Variants in TNKS observed in about 807,000 individuals in gnomAD.
TNKS encodes the protein poly [ADP-ribose] polymerase tankyrase-1.
In TNKS, 72 loss-of-function variants were observed where a neutral mutation model predicts 135.8. That is an observed-to-expected ratio of 0.53 (90% CI 0.44 to 0.64). The LOEUF (loss-of-function observed/expected upper bound fraction) is 0.64, where lower values mean the gene tolerates loss of function less well. Ranked by LOEUF, TNKS falls within the 30% of genes least tolerant of loss-of-function variation. The probability of loss-of-function intolerance (pLI) is 0.00; values close to 1 mark genes in which losing one functional copy is unlikely to be tolerated. For missense variants in TNKS, 1,769 were observed against 1,674.0 expected, an observed-to-expected ratio of 1.06 and a Z score of -0.99; for synonymous variants, 849 against 649.3, an observed-to-expected ratio of 1.31 and a Z score of -4.68.
intron 3 of TNKS, among the ~76,000 whole-genome samples, chr8:9,653,105 G>T (rs1452732762): frequency 6.6e-6 from 1 of 152,122 alleles, no homozygotes; most frequent in East Asian, 1.9e-4. Flanking sequence ...ATAAAGTTAG[G>T]GGAAGGGAAG....
intron 3 of TNKS, among the ~76,000 whole-genome samples, chr8:9,653,872 C>A (rs1336214360): frequency 6.6e-6 from 1 of 152,100 alleles, no homozygotes; most frequent in Non-Finnish European, 1.5e-5. Context: ...TTTCTCCTTC[C>A]CTTCTGTGCT....
chr8:9,717,101 A>ATATATATATT lies in TNKS; in HGVS notation c.1750-3272_1750-3271insATATATATTT, dbSNP rs1454492300. On this transcript the variant is annotated intron_variant, in intron 11 of 26. Coordinates refer to ENST00000310430, the MANE Select transcript of TNKS (RefSeq NM_003747.3). The stretch of plus-strand genomic sequence containing the variant: ...TATATATATATATATATATATATAT[A>ATATATATATT]TTTTCAGGGAATTTGATTGTTTCTT... Among the ~76,000 whole-genome samples the ATATATATATT allele has an allele frequency of 4.4e-4, 53 of 119,306 alleles. 2 individuals carry two copies. The highest frequency in any genetic ancestry group is 1.6e-3 in the Admixed American group (19 of 11,646). 78.3% of individuals were successfully genotyped at this position (119,306 alleles called of 152,430 possible).
At chr8:9,706,275 G>T in intron 7 of TNKS, 22 bp downstream of exon 7, 2 of 1,489,676 alleles carry the variant, frequency 1.3e-6, no homozygotes, top group East Asian at 2.5e-5. Flanking sequence ...TCAGAATATT[G>T]AGCATCATTT....
intron 3 of TNKS, among the ~76,000 whole-genome samples, chr8:9,643,762 G>C (rs907829592): frequency 1.4e-4 from 21 of 152,154 alleles, no homozygotes; most frequent in African/African-American, 5.1e-4. Flanking sequence ...CGGCAATTCT[G>C]CTTCTGGGTA....
At chr8:9,581,724 T>C (rs1420586775) in intron 2 of TNKS, among the ~76,000 whole-genome samples, 1 of 152,246 alleles carries the variant, frequency 6.6e-6, no homozygotes, top group Non-Finnish European at 1.5e-5. Flanking sequence ...TAAAATATTA[T>C]CCTTTCCAGG....
intron 2 of TNKS, among the ~76,000 whole-genome samples, chr8:9,589,035 A>G (rs1159451797): frequency 6.6e-6 from 1 of 152,296 alleles, no homozygotes; most frequent in South Asian, 2.1e-4. Flanking sequence ...CTCGATTGGT[A>G]TGGGAATTTG....
chr8:9,729,372 G>A (rs943939483), intron 13 of TNKS, among the ~76,000 whole-genome samples: 1 of 152,162 alleles, frequency 6.6e-6, no homozygotes, highest in Non-Finnish European at 1.5e-5. Context: ...GCTTATTACT[G>A]TGACGGAAGT....
At chr8:9,701,231 C>T (rs1330985070) in intron 5 of TNKS, among the ~76,000 whole-genome samples, 1 of 152,170 alleles carries the variant, frequency 6.6e-6, no homozygotes, top group Non-Finnish European at 1.5e-5. Context: ...GCCACCATGC[C>T]CGACCTGCCC....
rs757948047 is a variant in TNKS at position 9,556,514 on chromosome 8, A to G, written c.575A>G (p.Asn192Ser). The G allele has an allele frequency of 1.3e-5, 21 of 1,614,034 alleles. No homozygotes were observed. Among genetic ancestry groups the G allele is most frequent in the Admixed American group, 1.7e-5 (1 of 60,004 alleles). Residue 192 changes from asparagine (N) to serine (S), a missense_variant, in exon 1 of 27, where the codon AAT becomes AGT. Around this residue, in one of 5 missense-constraint regions of TNKS, gnomAD observed 450 missense variants for 304.9 expected, o/e 1.48. Transcript: ENST00000310430. ...CGGGAACTGCTGGAGGCCTGTCGCA[A>G]TGGGGACGTGTCCCGGGTAAAGAGG... ...ALRELLEACR[N>S]GDVSRVKRLV... is the part of the protein sequence containing the mutation.
chr8:9,668,968 A>G (rs1326702357), intron 3 of TNKS, among the ~76,000 whole-genome samples: 2 of 152,170 alleles, frequency 1.3e-5, no homozygotes, highest in Non-Finnish European at 2.9e-5. Context: ...TATTATTATT[A>G]TTATTGAATA....
chr8:9,680,299 C>A (rs1298723473), intron 4 of TNKS, among the ~76,000 whole-genome samples: 1 of 152,060 alleles, frequency 6.6e-6, no homozygotes, highest in African/African-American at 2.4e-5. Flanking sequence ...GAAGATTTTT[C>A]TAGCAAAGCT....
At chr8:9,755,964 T>G (rs989082500) in intron 20 of TNKS, among the ~76,000 whole-genome samples, 2 of 152,216 alleles carry the variant, frequency 1.3e-5, no homozygotes, top group African/African-American at 4.8e-5. Context: ...ATAGTATCCT[T>G]TCTAGTTAAT....
rs527701926 is a variant in TNKS, at chr8:9,770,632, C to G, written c.3897+370C>G. On this transcript the variant is annotated intron_variant, in intron 26 of 26. Coordinates refer to ENST00000310430, the MANE Select transcript of TNKS (RefSeq NM_003747.3). The stretch of plus-strand genomic sequence containing the variant: ...TGGATGTACATGCCACAGGATTTGT[C>G]CAAAAACAAAAACAATTTGTCTGAA... 1.0e-3 allele frequency among the ~76,000 whole-genome samples: 156 copies of G among 151,820 alleles called. 1 individual carries two copies. The highest frequency in any genetic ancestry group is 3.6e-3 in the African/African-American group (150 of 41,356).
At chr8:9,660,559 T>A (rs1355225868) in intron 3 of TNKS, among the ~76,000 whole-genome samples, 2 of 152,086 alleles carry the variant, frequency 1.3e-5, no homozygotes, top group Non-Finnish European at 2.9e-5. Flanking sequence ...AAAACTCTCA[T>A]TAAATTAGGT....
At chr8:9,694,671 A>G (rs1350498784) in intron 5 of TNKS, among the ~76,000 whole-genome samples, 1 of 151,674 alleles carries the variant, frequency 6.6e-6, no homozygotes, top group Middle Eastern at 3.2e-3. Flanking sequence ...CTGAGGCAGG[A>G]GAATTGCTTG....
intron 18 of TNKS, among the ~76,000 whole-genome samples, 169 bp from the exon 19 acceptor site, chr8:9,751,440 A>T (rs556673835): frequency 4.8e-4 from 73 of 152,356 alleles, no homozygotes; most frequent in Middle Eastern, 3.4e-3. Flanking sequence ...TACTGAAACT[A>T]TTGAAACTCT....
chr8:9,767,935 G>A (rs1018359625), intron 25 of TNKS, among the ~76,000 whole-genome samples: 5 of 149,632 alleles, frequency 3.3e-5, no homozygotes, highest in African/African-American at 1.2e-4. Context: ...CTCCAGCCTG[G>A]GCGACAGAGA....
At chr8:9,558,607 A>G (rs994194154) in intron 1 of TNKS, 3 of 152,168 alleles carry the variant, frequency 2.0e-5, no homozygotes, top group African/African-American at 7.2e-5. Context: ...GTCACACAAA[A>G]TAGTGCTTGT....
At chr8:9,631,156 G>A (rs912982067) in intron 3 of TNKS, among the ~76,000 whole-genome samples, 5 of 152,040 alleles carry the variant, frequency 3.3e-5, no homozygotes, top group African/African-American at 4.8e-5. Context: ...TCATCTAACC[G>A]TTAACTAGTT....
Sources: allele counts gnomAD v4.1 joint callset (sites outside exome capture counted in the v4.1 genomes callset), GRCh38; gene constraint gnomAD v4.1.1; regional missense constraint gnomAD v4.1.1; transcripts MANE v1.5; gene names NCBI Gene and HGNC (gene_info 2026-07-23, HGNC 2026-07-21).